Variants in USH2A observed in about 807,000 individuals in gnomAD.
USH2A encodes usherin, also known as Usher syndrome 2A (autosomal recessive, mild).
A neutral mutation model predicts 538.9 loss-of-function variants in USH2A; 443 were observed. The observed-to-expected ratio is 0.82, with a 90% CI of 0.76 to 0.89. USH2A has a LOEUF of 0.89. Ranked by LOEUF, USH2A falls within the 40% of genes least tolerant of loss-of-function variation. The pLI, the probability that USH2A is intolerant of heterozygous loss-of-function variation, is 0.00. For synonymous variants in USH2A, 2,413 were observed against 2,273.5 expected, an observed-to-expected ratio of 1.06 and a Z score of -1.75; for missense variants, 6,633 against 6,324.8, an observed-to-expected ratio of 1.05 and a Z score of -1.65.
intron 37 of USH2A, among the ~76,000 whole-genome samples, chr1:215,945,137 G>T (rs573067548): frequency 1.3e-5 from 2 of 152,042 alleles, no homozygotes; most frequent in African/African-American, 2.4e-5. Context: ...ATAAGCATTC[G>T]ATATGTAAAG....
At chr1:216,051,354 T>C (rs1199199442) in intron 30 of USH2A, among the ~76,000 whole-genome samples, 1 of 152,238 alleles carries the variant, frequency 6.6e-6, no homozygotes, top group Non-Finnish European at 1.5e-5. Context: ...TTCCATTTTG[T>C]AATGCCTCCA....
intron 21 of USH2A, chr1:216,174,688 G>A (rs2034340314): frequency 1.0e-6 from 1 of 986,316 alleles, no homozygotes; most frequent in African/African-American, 1.7e-5. Flanking sequence ...TCTTTTCCCT[G>A]GGATTAGTTT....
intron 32 of USH2A, among the ~76,000 whole-genome samples, chr1:216,033,484 AAACC>A (rs1392424919): frequency 1.3e-5 from 2 of 152,238 alleles, no homozygotes; most frequent in Non-Finnish European, 2.9e-5. Context: ...TTCACAAAAC[AAACC>A]AACAGAAATA....
chr1:215,835,155 G>T (rs1663439512), intron 47 of USH2A, among the ~76,000 whole-genome samples: 1 of 106,358 alleles, frequency 9.4e-6, no homozygotes, highest in Non-Finnish European at 1.8e-5. Flanking sequence ...ATCTTTAAGA[G>T]TGATGCACCA....
intron 22 of USH2A, among the ~76,000 whole-genome samples, chr1:216,090,604 A>T (rs1049390633): frequency 2.6e-5 from 4 of 152,096 alleles, no homozygotes; most frequent in Non-Finnish European, 5.9e-5. Context: ...TGTTTTGTCT[A>T]CACACCCTTT....
At chr1:216,247,286 G>A (rs754461451) in intron 12 of USH2A, 60 bp from the exon 13 acceptor site, 138 of 1,595,860 alleles carry the variant, frequency 8.6e-5, no homozygotes, top group Non-Finnish European at 1.1e-4. Context: ...CAAGATAGAC[G>A]AGACACAAAC....
At chr1:215,798,556 T>C (rs1188232622) in intron 50 of USH2A, among the ~76,000 whole-genome samples, 1 of 152,174 alleles carries the variant, frequency 6.6e-6, no homozygotes, top group Admixed American at 6.6e-5. Context: ...TACAGTAGAA[T>C]AAGGGAGTAA....
At chr1:215,989,481 G>A (rs962631675) in intron 35 of USH2A, among the ~76,000 whole-genome samples, 1 of 152,138 alleles carries the variant, frequency 6.6e-6, no homozygotes, top group Non-Finnish European at 1.5e-5. Context: ...TTGAGATCAA[G>A]AAGCAAGGAA....
chr1:216,295,686 C>T (rs933491882), intron 9 of USH2A, among the ~76,000 whole-genome samples: 2 of 151,888 alleles, frequency 1.3e-5, no homozygotes, highest in Admixed American at 1.3e-4. Flanking sequence ...TGTGACTTCC[C>T]TAAGTGCCCA....
intron 35 of USH2A, among the ~76,000 whole-genome samples, chr1:215,976,050 C>T (rs568336): frequency 2.0e-5 from 3 of 151,894 alleles, no homozygotes; most frequent in African/African-American, 7.3e-5. Flanking sequence ...TGGATGTATG[C>T]CTAGGAATTT....
At chr1:216,013,291 A>C (rs1189231548) in intron 32 of USH2A, among the ~76,000 whole-genome samples, 3 of 148,146 alleles carry the variant, frequency 2.0e-5, no homozygotes, top group Non-Finnish European at 1.5e-5. Context: ...ACCTCCCTTC[A>C]GCTTAATCTC....
intron 52 of USH2A, among the ~76,000 whole-genome samples, chr1:215,784,160 C>A (rs999336584): frequency 1.8e-4 from 28 of 152,178 alleles, no homozygotes; most frequent in African/African-American, 6.3e-4. Context: ...TAGAAAACCA[C>A]ATTTGCCAGT....
At chr1:215,852,993 G>C (rs1277610858) in intron 44 of USH2A, among the ~76,000 whole-genome samples, 2 of 152,166 alleles carry the variant, frequency 1.3e-5, no homozygotes, top group Non-Finnish European at 2.9e-5. Flanking sequence ...AGAGGACAGT[G>C]GCCCTCTTCT....
chr1:215,669,920 C>T (rs1284213509), intron 64 of USH2A, among the ~76,000 whole-genome samples: 6 of 152,110 alleles, frequency 3.9e-5, no homozygotes, highest in Non-Finnish European at 8.8e-5. Context: ...TTATAATAAG[C>T]TTTTTAAGGC....
chr1:216,026,556 TG>T (rs2102506712), intron 32 of USH2A, among the ~76,000 whole-genome samples: 1 of 152,296 alleles, frequency 6.6e-6, no homozygotes, highest in African/African-American at 2.4e-5. Flanking sequence ...CTTACCAGTC[TG>T]GCATTCTGAT....
rs1276818361 is a variant in USH2A at position 216,030,820 on chromosome 1, T to A, written c.6325+15611A>T. ...ACCTGACCTTTCCTAGGTATTAATT[T>A]TTTTAATCTACAATACAGAGATACT... is the stretch of plus-strand genomic sequence containing the variant. On this transcript the variant is annotated intron_variant, in intron 32 of 71. Transcript: ENST00000307340. Among the ~76,000 whole-genome samples the A allele has an allele frequency of 4.6e-5, 7 of 151,602 alleles. No individual in the cohort carries two copies. In the East Asian group the frequency reaches 1.4e-3, roughly 29 times the overall value.
intron 61 of USH2A, among the ~76,000 whole-genome samples, chr1:215,701,329 G>A (rs1659009226): frequency 6.6e-6 from 1 of 152,074 alleles, no homozygotes; most frequent in Admixed American, 6.6e-5. Context: ...TCTGTTAGAT[G>A]TCTATTAGAT....
intron 64 of USH2A, among the ~76,000 whole-genome samples, chr1:215,658,919 C>A (rs945117718): frequency 4.6e-5 from 7 of 152,168 alleles, no homozygotes; most frequent in African/African-American, 1.7e-4. Context: ...ATCACAATCA[C>A]CAATTGTGAT....
chr1:216,421,734 C>T (rs576372246), intron 2 of USH2A, 118 bp downstream of exon 2: 1 of 1,513,954 alleles, frequency 6.6e-7, no homozygotes, highest in Non-Finnish European at 9.1e-7. Flanking sequence ...AAGAGTTAGT[C>T]TTCAATACCA....
Sources: gnomAD v4.1 joint callset for allele counts (sites outside exome capture counted in the v4.1 genomes callset) on GRCh38, gnomAD v4.1.1 for gene constraint, MANE v1.5 for transcripts, NCBI Gene and HGNC (gene_info 2026-07-23, HGNC 2026-07-21) for gene names.